Variants in INPP5D observed in about 807,000 individuals in gnomAD.
INPP5D encodes inositol polyphosphate-5-phosphatase D.
A neutral mutation model predicts 122.9 loss-of-function variants in INPP5D; 33 were observed. The observed-to-expected ratio is 0.27, with a 90% CI of 0.20 to 0.36. The LOEUF (loss-of-function observed/expected upper bound fraction) is 0.36. Among genes scored for constraint, INPP5D ranks in the 10% least tolerant of loss-of-function variants. The pLI is 1.00. For synonymous variants in INPP5D, 584 were observed against 576.2 expected, an observed-to-expected ratio of 1.01 and a Z score of -0.19; for missense variants, 1,053 against 1,412.7, an observed-to-expected ratio of 0.75 and a Z score of 4.08.
intron 25 of INPP5D, among the ~76,000 whole-genome samples, chr2:233,199,724 G>C (rs1279977024): frequency 1.3e-5 from 2 of 151,618 alleles, no homozygotes; most frequent in African/African-American, 4.9e-5. Context: ...AGCTACTCGG[G>C]AGGCTGAGGC....
intron 13 of INPP5D, among the ~76,000 whole-genome samples, chr2:233,165,574 A>G (rs1346759429): frequency 2.1e-5 from 3 of 139,788 alleles, no homozygotes; most frequent in Non-Finnish European, 3.1e-5. Context: ...GTGTCCATGC[A>G]TGTGTGTTTG....
chr2:233,180,041 G>A (rs1484834140), intron 18 of INPP5D, among the ~76,000 whole-genome samples: 1 of 152,160 alleles, frequency 6.6e-6, no homozygotes, highest in Non-Finnish European at 1.5e-5. Flanking sequence ...CAGGCATAGG[G>A]GTGGTACTCA....
intron 2 of INPP5D, among the ~76,000 whole-genome samples, chr2:233,090,360 G>T (rs1459192408): frequency 6.6e-6 from 1 of 152,182 alleles, no homozygotes; most frequent in African/African-American, 2.4e-5. Flanking sequence ...CGCCATGGAA[G>T]AGTACTTCTT....
rs138025471 is a variant in INPP5D, at chr2:233,071,150, G to A, written c.135-8185G>A. 2.4e-3 allele frequency among the ~76,000 whole-genome samples: 366 copies of A among 152,126 alleles called. 3 individuals are homozygous for A. The highest frequency in any genetic ancestry group is 0.018 in the East Asian group (95 of 5,164). ...AAATAAAAATAAAAATTAGCTTGCC[G>A]TGGTGGTGTGTGCCTATAGTTCCAG... On this transcript the variant is annotated intron_variant, in intron 1 of 26. Transcript: ENST00000445964.
chr2:233,158,383 G>A lies in INPP5D; in HGVS notation c.1101G>A (p.Lys367=), dbSNP rs546332120. ...LVILVETEKE[K]ILRKEYVFAD... is the part of the protein sequence containing the mutation. ...TCTTGGTGGAAACAGAGAAGGAGAAGATCCTGCGGAAGGAATATGTTTTTG... is the reference window on the plus strand; with the variant it reads ...TCTTGGTGGAAACAGAGAAGGAGAAAATCCTGCGGAAGGAATATGTTTTTG... The change falls in exon 10 of 27, where the codon AAG becomes AAA. Residue 367 remains lysine, a synonymous_variant. Transcript: ENST00000445964. 4 of 703,918 alleles carry A rather than the reference G, an allele frequency of 5.7e-6. No individual in the cohort carries two copies. In the South Asian group the frequency reaches 5.9e-5, roughly 10 times the overall value. The allele number at this position is 703,918 out of a possible 1,614,324, so 43.6% of individuals were successfully genotyped here. A position where few individuals can be genotyped will look rare whatever the true frequency, so the allele number is the denominator to read the frequency against.
At chr2:233,169,868 A>C in intron 14 of INPP5D, 158 bp from the exon 15 acceptor site, 1 of 1,395,576 alleles carries the variant, frequency 7.2e-7, no homozygotes, top group African/African-American at 1.4e-5. Context: ...ATATTTGCAC[A>C]CTAAGGAGTT....
rs1027732598 is a variant in INPP5D at position 233,184,660 on chromosome 2, G to A, written c.2275+139G>A. On this transcript the variant is annotated intron_variant, in intron 20 of 26. Transcript: ENST00000445964. ...GCTGATCAGAGAAGTGGGGCTGCAG[G>A]TGGATGACTCAAGGGGACACTCAGT... The A allele has an allele frequency of 3.9e-6, 5 of 1,279,324 alleles. No individual in the cohort carries two copies. The African/African-American group carries it at 7.4e-5, about 19-fold the overall frequency. 79.2% of individuals were successfully genotyped at this position (1,279,324 alleles called of 1,614,324 possible).
At chr2:233,116,887 A>G (rs1692816115) in intron 2 of INPP5D, among the ~76,000 whole-genome samples, 1 of 152,134 alleles carries the variant, frequency 6.6e-6, no homozygotes, top group African/African-American at 2.4e-5. Context: ...GAGCCACCCT[A>G]CCTGGTCAAG....
Position 233,195,456 on chromosome 2 carries a change from C to A in INPP5D, c.2654C>A (p.Thr885Asn), listed in dbSNP as rs201252871. 2.3e-4 allele frequency: 365 copies of A among 1,613,882 alleles called. No individual in the cohort carries two copies. In the African/African-American group the frequency reaches 4.1e-3, roughly 18 times the overall value. ...SSGPKTLKSL[T>N]SHDPMKQWEV... ...GGGCCAAAGACCCTGAAGAGCCTCA[C>A]CAGCCACGACCCCATGAAGCAGTGG... Residue 885 changes from threonine (T) to asparagine (N), a missense_variant, in exon 24 of 27, where the codon ACC (threonine) becomes AAC (asparagine). Transcript: ENST00000445964.
chr2:233,133,931 A>T (rs1309885862), intron 5 of INPP5D: 6 of 456,026 alleles, frequency 1.3e-5, no homozygotes, highest in Non-Finnish European at 2.2e-5. Context: ...AGGCTCTGGC[A>T]CATGCGGCTC....
intron 1 of INPP5D, among the ~76,000 whole-genome samples, chr2:233,065,025 A>G (rs1691173059): frequency 1.3e-5 from 2 of 152,224 alleles, no homozygotes; most frequent in African/African-American, 4.8e-5. Flanking sequence ...AAGGGGCTTT[A>G]TCCAAGGCTG....
chr2:233,186,866 A>G (rs1379295739), intron 21 of INPP5D, among the ~76,000 whole-genome samples: 2 of 150,470 alleles, frequency 1.3e-5, no homozygotes, highest in African/African-American at 4.9e-5. Flanking sequence ...TGGACTACAG[A>G]TGTGCACCAC....
intron 2 of INPP5D, among the ~76,000 whole-genome samples, chr2:233,098,391 G>C (rs1381693413): frequency 6.6e-6 from 1 of 152,188 alleles, no homozygotes; most frequent in African/African-American, 2.4e-5. Context: ...TCAACCCACT[G>C]CGAGGCTCCT....
chr2:233,169,433 A>T, intron 14 of INPP5D, 32 bp downstream of exon 14: 1 of 1,564,132 alleles, frequency 6.4e-7, no homozygotes. Flanking sequence ...AAGAGTGTGC[A>T]TTTGGGCTGT....
chr2:233,182,370 T>C, intron 18 of INPP5D, 40 bp from the exon 19 acceptor site: 1 of 1,611,432 alleles, frequency 6.2e-7, no homozygotes, highest in Non-Finnish European at 8.5e-7. Flanking sequence ...CCGGAAGGGC[T>C]TCTCCTTCCC....
chr2:233,179,697 T>C (rs762187349), intron 18 of INPP5D, among the ~76,000 whole-genome samples: 19 of 152,116 alleles, frequency 1.2e-4, no homozygotes, highest in Non-Finnish European at 2.5e-4. Flanking sequence ...TGATATTTCA[T>C]TGAGTGCCAG....
At chr2:233,098,430 G>C (rs967605060) in intron 2 of INPP5D, among the ~76,000 whole-genome samples, 1 of 152,156 alleles carries the variant, frequency 6.6e-6, no homozygotes, top group African/African-American at 2.4e-5. Context: ...CTGGAGGCGT[G>C]GTCAGGGCCA....
chr2:233,091,551 GC>G (rs1176074463), intron 2 of INPP5D, among the ~76,000 whole-genome samples: 1 of 152,096 alleles, frequency 6.6e-6, no homozygotes, highest in East Asian at 1.9e-4. Flanking sequence ...ACCAGTAATG[GC>G]CCATCAAGTC....
intron 2 of INPP5D, among the ~76,000 whole-genome samples, chr2:233,098,323 C>T (rs1475709650): frequency 1.3e-5 from 2 of 152,074 alleles, no homozygotes; most frequent in African/African-American, 2.4e-5. Context: ...GGACCAGCAC[C>T]GTGGATAGGA....
Sources: gnomAD v4.1 joint callset for allele counts (sites outside exome capture counted in the v4.1 genomes callset) on GRCh38, gnomAD v4.1.1 for gene constraint, MANE v1.5 for transcripts, NCBI Gene and HGNC (gene_info 2026-07-23, HGNC 2026-07-21) for gene names.